The following ITSN1 variants were observed in gnomAD, a reference collection of about 807,000 sequenced individuals.
The protein encoded by ITSN1 is intersectin-1.
In ITSN1, 58 loss-of-function variants were observed where a neutral mutation model predicts 239.8. The ratio of observed to expected loss-of-function variants is 0.24; its 90% CI spans 0.20 to 0.30. The LOEUF (loss-of-function observed/expected upper bound fraction) is 0.30, where lower values mean the gene tolerates loss of function less well. ITSN1 is among the 10% of genes least tolerant of loss of function. The pLI, the probability that ITSN1 is intolerant of heterozygous loss-of-function variation, is 1.00. For missense variants in ITSN1, 1,558 were observed against 2,103.3 expected, an observed-to-expected ratio of 0.74 and a Z score of 5.07; for synonymous variants, 780 against 770.8, an observed-to-expected ratio of 1.01 and a Z score of -0.20.
intron 11 of ITSN1, among the ~76,000 whole-genome samples, chr21:33,769,489 C>A (rs1377248161): frequency 1.3e-5 from 2 of 152,176 alleles, no homozygotes; most frequent in Non-Finnish European, 2.9e-5. Flanking sequence ...ATAGACCGGG[C>A]AGCTTGAACA....
chr21:33,839,709 C>T (rs1043132914), intron 29 of ITSN1, among the ~76,000 whole-genome samples: 1 of 152,188 alleles, frequency 6.6e-6, no homozygotes, highest in Non-Finnish European at 1.5e-5. Flanking sequence ...TGCCCCACGC[C>T]CTCACTGTAG....
At chr21:33,781,410 A>G (rs760841906) in intron 14 of ITSN1, 51 bp from the exon 15 acceptor site, 14 of 955,658 alleles carry the variant, frequency 1.5e-5, no homozygotes, top group Non-Finnish European at 2.4e-5. Context: ...CTTAATGTAG[A>G]TGTGGTAGCC....
At chr21:33,755,506 G>T in intron 8 of ITSN1, 109 bp downstream of exon 8, 1 of 628,472 alleles carries the variant, frequency 1.6e-6, no homozygotes, top group Non-Finnish European at 2.7e-6. Flanking sequence ...TTTCTTGGCA[G>T]TGTTTCCTTT....
chr21:33,834,393 A>G lies in ITSN1; in HGVS notation c.3438A>G (p.Thr1146=). 6.2e-7 allele frequency: 1 copy of G among 1,613,422 alleles called. No individual in the cohort carries two copies. The highest frequency in any genetic ancestry group is 8.5e-7 in the Non-Finnish European group (1 of 1,179,506). Residue 1146 remains threonine (T), a synonymous_variant, in exon 28 of 40, where the codon ACA becomes ACG. Transcript: ENST00000381318. The part of the protein sequence containing the change: ...LSPGTSKITP[T]EPPKSTALAA... ...CTGGGACGAGCAAAATCACTCCAAC[A>G]GAGCCACCTAAGTCAACAGCATTAG...
intron 20 of ITSN1, among the ~76,000 whole-genome samples, chr21:33,803,749 CAAAAT>C (rs2072196523): frequency 6.6e-6 from 1 of 151,872 alleles, no homozygotes; most frequent in Non-Finnish European, 1.5e-5. Flanking sequence ...TTTAATAAAA[CAAAAT>C]AAATTCAAGG....
chr21:33,719,781 A>G (rs963786536), intron 2 of ITSN1, among the ~76,000 whole-genome samples: 3 of 152,212 alleles, frequency 2.0e-5, no homozygotes, highest in Non-Finnish European at 2.9e-5. Flanking sequence ...AGTTTGAAAC[A>G]TATCAGTCTG....
At chr21:33,744,762 G>A (rs1419914326) in intron 5 of ITSN1, among the ~76,000 whole-genome samples, 1 of 152,150 alleles carries the variant, frequency 6.6e-6, no homozygotes, top group Non-Finnish European at 1.5e-5. Flanking sequence ...AGGACAGTTT[G>A]AACTTCAAGA....
chr21:33,779,980 C>T (rs141804574), intron 14 of ITSN1, among the ~76,000 whole-genome samples: 20 of 152,176 alleles, frequency 1.3e-4, no homozygotes, highest in African/African-American at 2.9e-4. Context: ...TACAGGCAAG[C>T]GCCACCACGC....
At chr21:33,765,839 A>G (rs1275190771) in intron 9 of ITSN1, 36 bp from the exon 10 acceptor site, 1 of 1,610,878 alleles carries the variant, frequency 6.2e-7, no homozygotes, top group Admixed American at 1.7e-5. Flanking sequence ...ATGAATTTTC[A>G]TGAAACCGGA....
intron 1 of ITSN1, among the ~76,000 whole-genome samples, chr21:33,659,506 A>C (rs1464147536): frequency 6.6e-6 from 1 of 152,132 alleles, no homozygotes; most frequent in Admixed American, 6.5e-5. Flanking sequence ...TAACTCCGGT[A>C]GTGTCAGAAT....
rs144186220 is a variant in ITSN1 at position 33,731,555 on chromosome 21, C to T, written c.186-3489C>T. 2.9e-3 allele frequency among the ~76,000 whole-genome samples: 441 copies of T among 152,204 alleles called. 2 individuals carry two copies. Among genetic ancestry groups the T allele is most frequent in the African/African-American group, 0.01 (429 of 41,536 alleles). ...GCCAGTTTCATTTATGAGCATAGAT[C>T]CAAAAAAGTCAAAATCTTAGCAAAT... On this transcript the variant is annotated intron_variant, in intron 4 of 39. Coordinates refer to ENST00000381318, the MANE Select transcript of ITSN1 (RefSeq NM_003024.3).
intron 16 of ITSN1, among the ~76,000 whole-genome samples, chr21:33,789,650 T>A (rs2070950392): frequency 6.6e-6 from 1 of 152,224 alleles, no homozygotes; most frequent in Admixed American, 6.5e-5. Flanking sequence ...TATATATTGT[T>A]CAGGCGCATG....
chr21:33,717,122 G>T lies in ITSN1; in HGVS notation c.-32-1675G>T, dbSNP rs573154564. 7.9e-5 allele frequency among the ~76,000 whole-genome samples: 12 copies of T among 152,002 alleles called. No homozygotes were observed. The South Asian group carries it at 2.1e-3, about 26-fold the overall frequency. Reference sequence around the variant, plus strand: ...GAAGATGAAATTGAGATGTATTAGGGCAAGAGACTCATTTTTTTTAATTTA... The same window carrying T: ...GAAGATGAAATTGAGATGTATTAGGTCAAGAGACTCATTTTTTTTAATTTA... On this transcript the variant is annotated intron_variant, in intron 1 of 39. Transcript: ENST00000381318.
intron 1 of ITSN1, among the ~76,000 whole-genome samples, chr21:33,711,878 A>G (rs377629695): frequency 3.9e-5 from 6 of 152,322 alleles, no homozygotes; most frequent in African/African-American, 1.4e-4. Context: ...CCTACTACAC[A>G]GTGTTACAGT....
At chr21:33,787,048 C>A (rs768161053) in intron 16 of ITSN1, among the ~76,000 whole-genome samples, 74 of 152,270 alleles carry the variant, frequency 4.9e-4, no homozygotes, top group Non-Finnish European at 6.8e-4. Flanking sequence ...AGTACTAAGC[C>A]TTCTTTATAA....
At chr21:33,711,652 T>G (rs75896753) in intron 1 of ITSN1, among the ~76,000 whole-genome samples, 2,277 of 135,012 alleles carry the variant, frequency 0.017, 172 homozygotes, top group Admixed American at 0.03. Flanking sequence ...TTTCTGTGTG[T>G]TGTGTGTGTG....
At chr21:33,646,501 C>T (rs117482007) in intron 1 of ITSN1, among the ~76,000 whole-genome samples, 4,553 of 152,144 alleles carry the variant, frequency 0.03, 96 homozygotes, top group Middle Eastern at 0.054. Context: ...ACCTTTACAC[C>T]TTCTTTTCAA....
intron 1 of ITSN1, among the ~76,000 whole-genome samples, chr21:33,702,909 C>T (rs2092085548): frequency 6.6e-6 from 1 of 152,148 alleles, no homozygotes; most frequent in African/African-American, 2.4e-5. Flanking sequence ...GAAACCCTGT[C>T]TCTACCAAAG....
intron 4 of ITSN1, among the ~76,000 whole-genome samples, chr21:33,729,118 A>G (rs1215028980): frequency 6.6e-6 from 1 of 152,178 alleles, no homozygotes; most frequent in Non-Finnish European, 1.5e-5. Context: ...TAACACACAC[A>G]AAGTAGTTTC....
Sources: allele counts gnomAD v4.1 joint callset (sites outside exome capture counted in the v4.1 genomes callset), GRCh38; gene constraint gnomAD v4.1.1; transcripts MANE v1.5; gene names NCBI Gene and HGNC (gene_info 2026-07-23, HGNC 2026-07-21).